TANC1: variants seen among roughly 807,000 people sequenced by gnomAD.
TANC1 encodes protein TANC1.
Under a neutral mutation model 149.7 loss-of-function variants are expected in TANC1, and 77 were observed. The observed-to-expected ratio is 0.51, with a 90% CI of 0.43 to 0.62. TANC1 has a LOEUF of 0.62. Among genes scored for constraint, TANC1 ranks in the 20% least tolerant of loss-of-function variants. The pLI, the probability that TANC1 is intolerant of heterozygous loss-of-function variation, is 0.00. For missense variants in TANC1, 1,985 were observed against 2,321.8 expected, an observed-to-expected ratio of 0.85 and a Z score of 2.98; for synonymous variants, 854 against 925.0, an observed-to-expected ratio of 0.92 and a Z score of 1.39.
At chr2:159,213,801 T>C (rs1451816852) in intron 19 of TANC1, among the ~76,000 whole-genome samples, 1 of 152,014 alleles carries the variant, frequency 6.6e-6, no homozygotes. Flanking sequence ...TGGGCACCCA[T>C]GGTAATGCGC....
At chr2:159,185,709 C>A in intron 14 of TANC1, 82 bp from the exon 15 acceptor site, 1 of 879,974 alleles carries the variant, frequency 1.1e-6, no homozygotes, top group Middle Eastern at 2.3e-4. Flanking sequence ...GTGACTAAGG[C>A]AATGGGTGGT....
chr2:158,998,094 A>G (rs928055358), intron 1 of TANC1, among the ~76,000 whole-genome samples: 2 of 152,126 alleles, frequency 1.3e-5, no homozygotes, highest in Non-Finnish European at 2.9e-5. Context: ...CCCCATGTCT[A>G]CGAAAAATAA....
chr2:159,081,394 C>T (rs2044257493), intron 3 of TANC1, among the ~76,000 whole-genome samples: 1 of 151,694 alleles, frequency 6.6e-6, no homozygotes, highest in African/African-American at 2.4e-5. Flanking sequence ...TGTTCTTGCC[C>T]CACTGCCATC....
chr2:159,119,120 C>T (rs1225941920), intron 4 of TANC1, among the ~76,000 whole-genome samples: 1 of 152,124 alleles, frequency 6.6e-6, no homozygotes, highest in Non-Finnish European at 1.5e-5. Flanking sequence ...TTGGTATAGG[C>T]AGATTGGGCA....
At chr2:159,065,844 A>ATTCCAACTTTCAATG (rs1422915658) in intron 2 of TANC1, 52 bp from the exon 3 acceptor site, 53 of 1,470,194 alleles carry the variant, frequency 3.6e-5, no homozygotes, top group Non-Finnish European at 4.9e-5. Context: ...CACAAGTTAT[A>ATTCCAACTTTCAATG]TTCCAACTTT....
chr2:159,201,980 G>A (rs775665972), intron 19 of TANC1, among the ~76,000 whole-genome samples: 4 of 152,200 alleles, frequency 2.6e-5, no homozygotes, highest in Admixed American at 6.5e-5. Context: ...AGCCAGTGGC[G>A]CAGGAGCTTA....
chr2:159,142,885 G>A (rs1045689926), intron 5 of TANC1, among the ~76,000 whole-genome samples: 1 of 151,800 alleles, frequency 6.6e-6, no homozygotes, highest in Non-Finnish European at 1.5e-5. Context: ...CCAACATGGT[G>A]AAACCTTGTC....
At position 159,197,628 on chromosome 2, in the gene TANC1, C is replaced by G. The variant is rs534865975; in HGVS notation, c.3165+835C>G. Among the ~76,000 whole-genome samples, 720 of 151,286 alleles carry G rather than the reference C, an allele frequency of 4.8e-3. 3 individuals are homozygous for G. Among genetic ancestry groups the G allele is most frequent in the Middle Eastern group, 6.9e-3 (2 of 290 alleles). On this transcript the variant is annotated intron_variant, in intron 18 of 26. Coordinates refer to ENST00000263635, the MANE Select transcript of TANC1 (RefSeq NM_033394.3). ...AAACACACACACACACACACACACACAGAGAGATACTGTTAAACACACATA... is the reference window on the plus strand; with the variant it reads ...AAACACACACACACACACACACACAGAGAGAGATACTGTTAAACACACATA...
chr2:159,037,071 A>G (rs942962811), intron 2 of TANC1, among the ~76,000 whole-genome samples: 3 of 152,192 alleles, frequency 2.0e-5, no homozygotes, highest in African/African-American at 7.2e-5. Flanking sequence ...GTGAGATGGT[A>G]TCTCATTGTG....
At position 159,199,126 on chromosome 2, in the gene TANC1, C is replaced by T. The variant is rs557105771; in HGVS notation, c.3244+73C>T. On this transcript the variant is annotated intron_variant, in intron 19 of 26. Coordinates refer to ENST00000263635, the MANE Select transcript of TANC1 (RefSeq NM_033394.3). ...TTTAGCCCTATTTTGGCCTAATTGT[C>T]TTAAGAATGACTGATATATGTAGTC... 4 of 1,128,686 alleles carry T rather than the reference C, an allele frequency of 3.5e-6. No homozygotes were observed. In the South Asian group the frequency reaches 5.0e-5, roughly 14 times the overall value. The allele number at this position is 1,128,686 out of a possible 1,614,324, so 69.9% of individuals were successfully genotyped here.
intron 19 of TANC1, among the ~76,000 whole-genome samples, chr2:159,213,445 G>A (rs1159246302): frequency 3.3e-5 from 5 of 151,302 alleles, no homozygotes; most frequent in Non-Finnish European, 5.9e-5. Flanking sequence ...CAGTGCCTCG[G>A]TATGTAAAAC....
At chr2:159,070,009 TG>T (rs1289187367) in intron 3 of TANC1, among the ~76,000 whole-genome samples, 1 of 152,010 alleles carries the variant, frequency 6.6e-6, no homozygotes, top group Non-Finnish European at 1.5e-5. Context: ...TTCAAACTCC[TG>T]GGCCTACACA....
chr2:159,142,348 T>A (rs2051470202), intron 5 of TANC1, among the ~76,000 whole-genome samples: 1 of 152,240 alleles, frequency 6.6e-6, no homozygotes, highest in South Asian at 2.1e-4. Flanking sequence ...GCACTGATGC[T>A]GCAAAAGCAA....
intron 1 of TANC1, among the ~76,000 whole-genome samples, chr2:158,971,645 G>GT (rs2032898193): frequency 1.3e-5 from 2 of 152,078 alleles, no homozygotes; most frequent in Non-Finnish European, 1.5e-5. Flanking sequence ...CTGGGTCTTG[G>GT]TTTTCTCATT....
At position 159,060,613 on chromosome 2, in the gene TANC1, G is replaced by T. The variant is rs115922408; in HGVS notation, c.-15-5283G>T. Among the ~76,000 whole-genome samples, 285 of 152,286 alleles carry T rather than the reference G, an allele frequency of 1.9e-3. 1 individual carries two copies. Among genetic ancestry groups the T allele is most frequent in the African/African-American group, 6.7e-3 (277 of 41,560 alleles). ...AGGAAATCTTACATCTGTATTCATTGCAGCCTGTCAACAAATACTGAGAAC... is the reference window on the plus strand; with the variant it reads ...AGGAAATCTTACATCTGTATTCATTTCAGCCTGTCAACAAATACTGAGAAC... On this transcript the variant is annotated intron_variant, in intron 2 of 26. Transcript: ENST00000263635.
chr2:159,083,623 G>T (rs1029174007), intron 3 of TANC1, among the ~76,000 whole-genome samples: 1 of 152,158 alleles, frequency 6.6e-6, no homozygotes, highest in Non-Finnish European at 1.5e-5. Context: ...TACACAAAAA[G>T]TAATAGCTAT....
At chr2:158,974,176 C>A (rs2033311526) in intron 1 of TANC1, among the ~76,000 whole-genome samples, 1 of 152,140 alleles carries the variant, frequency 6.6e-6, no homozygotes, top group Non-Finnish European at 1.5e-5. Context: ...TGTGGCTTAA[C>A]AACAACTGTT....
intron 1 of TANC1, among the ~76,000 whole-genome samples, chr2:158,989,646 G>A (rs1417857429): frequency 2.0e-5 from 3 of 150,364 alleles, no homozygotes; most frequent in South Asian, 2.1e-4. Flanking sequence ...TTTTGTTTTC[G>A]GCCAGTTTGG....
chr2:159,213,417 A>AC (rs1281311728), intron 19 of TANC1, among the ~76,000 whole-genome samples: 4 of 139,646 alleles, frequency 2.9e-5, no homozygotes, highest in East Asian at 2.1e-4. Flanking sequence ...AGGTATGGGA[A>AC]CCCCCCCACC....
Sources: gnomAD v4.1 joint callset for allele counts (sites outside exome capture counted in the v4.1 genomes callset) on GRCh38, gnomAD v4.1.1 for gene constraint, MANE v1.5 for transcripts, NCBI Gene and HGNC (gene_info 2026-07-23, HGNC 2026-07-21) for gene names.